Variants in PGGT1B observed in about 807,000 individuals in gnomAD.
The protein encoded by PGGT1B is geranylgeranyl transferase type-1 subunit beta.
A neutral mutation model predicts 46.1 loss-of-function variants in PGGT1B; 30 were observed. The observed-to-expected ratio is 0.65, with a 90% CI of 0.49 to 0.88. PGGT1B has a LOEUF of 0.88. Among genes scored for constraint, PGGT1B ranks in the 40% least tolerant of loss-of-function variants. The pLI is 0.00. For missense variants in PGGT1B, 376 were observed against 455.9 expected (o/e 0.82, Z 1.60); for synonymous variants, 170 against 160.0 (o/e 1.06, Z -0.47).
intron 3 of PGGT1B, among the ~76,000 whole-genome samples, chr5:115,241,119 T>C (rs984881937): frequency 6.6e-6 from 1 of 152,218 alleles, no homozygotes; most frequent in Non-Finnish European, 1.5e-5. Flanking sequence ...CTTTTATTCC[T>C]AAGAAATGTG....
chr5:115,237,843 A>C lies in PGGT1B; in HGVS notation c.479+15T>G. Reference sequence around the variant, plus strand: ...TTTGTTTATTACAAAAAAAGTAACAAAGAATCACTCATACCTCCCATCTTC... The same window carrying C: ...TTTGTTTATTACAAAAAAAGTAACACAGAATCACTCATACCTCCCATCTTC... On this transcript the variant is annotated intron_variant, in intron 4 of 8. Transcript: ENST00000419445. The C allele has an allele frequency of 6.3e-7, 1 of 1,596,530 alleles. No homozygotes were observed. The highest frequency in any genetic ancestry group is 8.5e-7 in the Non-Finnish European group (1 of 1,175,250).
chr5:115,254,681 G>C (rs1351648095), intron 1 of PGGT1B, among the ~76,000 whole-genome samples: 1 of 151,734 alleles, frequency 6.6e-6, no homozygotes, highest in Non-Finnish European at 1.5e-5. Flanking sequence ...ATAACAGGAG[G>C]AGATATCAGA....
chr5:115,235,917 G>T (rs1005504261), intron 5 of PGGT1B, among the ~76,000 whole-genome samples: 35 of 152,218 alleles, frequency 2.3e-4, no homozygotes, highest in African/African-American at 8.2e-4. Flanking sequence ...AACCTGGAAT[G>T]CAGAAGTTTT....
At chr5:115,251,524 T>C (rs190103317) in intron 2 of PGGT1B, among the ~76,000 whole-genome samples, 63 of 151,670 alleles carry the variant, frequency 4.2e-4, no homozygotes, top group Admixed American at 3.4e-3. Context: ...TCCTTAATAG[T>C]GGGGGGAAAT....
chr5:115,248,765 A>G (rs1747964333), intron 2 of PGGT1B, among the ~76,000 whole-genome samples: 1 of 152,182 alleles, frequency 6.6e-6, no homozygotes, highest in Admixed American at 6.5e-5. Context: ...ATCCGATTCT[A>G]TCTCTTATCA....
chr5:115,257,811 T>C (rs976211282), intron 1 of PGGT1B, among the ~76,000 whole-genome samples: 1 of 152,150 alleles, frequency 6.6e-6, no homozygotes, highest in Non-Finnish European at 1.5e-5. Context: ...TAAATAAGCA[T>C]CTACATTAAG....
At chr5:115,242,371 T>C (rs1757373957) in intron 2 of PGGT1B, among the ~76,000 whole-genome samples, 1 of 152,112 alleles carries the variant, frequency 6.6e-6, no homozygotes, top group South Asian at 2.1e-4. Context: ...AAAATAACAA[T>C]GCAGTATCAG....
chr5:115,223,861 A>C (rs1214288846), intron 6 of PGGT1B, among the ~76,000 whole-genome samples: 2 of 152,206 alleles, frequency 1.3e-5, no homozygotes, highest in African/African-American at 4.8e-5. Flanking sequence ...CTTGCAATTT[A>C]TTATGACTTC....
At position 115,208,981 on chromosome 5, in the gene PGGT1B, T is replaced by G. The variant is rs376646382; in HGVS notation, c.*3421A>C. Reference sequence around the variant, plus strand: ...TTTCTTATACTAACTTTGACTGGAGTTGGACTGTAATCCTGGCTCACTTAC... The same window carrying G: ...TTTCTTATACTAACTTTGACTGGAGGTGGACTGTAATCCTGGCTCACTTAC... On this transcript the variant is annotated 3_prime_UTR_variant, in exon 9 of 9. Coordinates refer to ENST00000419445, the MANE Select transcript of PGGT1B (RefSeq NM_005023.4). 2 of 151,984 alleles carry G rather than the reference T, an allele frequency of 1.3e-5. No individual in the cohort carries two copies. The highest frequency in any genetic ancestry group is 4.8e-5 in the African/African-American group (2 of 41,396). 9.4% of individuals were successfully genotyped at this position (151,984 alleles called of 1,614,324 possible). A position where few individuals can be genotyped will look rare whatever the true frequency, so the allele number is the denominator to read the frequency against.
At chr5:115,222,100 A>T in intron 6 of PGGT1B, 92 bp from the exon 7 acceptor site, 1 of 622,456 alleles carries the variant, frequency 1.6e-6, no homozygotes, top group Non-Finnish European at 2.6e-6. Context: ...TGGTTATATA[A>T]TTCTAGAAAA....
At chr5:115,222,155 C>T in intron 6 of PGGT1B, 147 bp from the exon 7 acceptor site, 1 of 472,646 alleles carries the variant, frequency 2.1e-6, no homozygotes. Context: ...TTTAAAATAA[C>T]CACTAAACAC....
intron 8 of PGGT1B, among the ~76,000 whole-genome samples, chr5:115,213,807 CA>C (rs1756321602): frequency 6.6e-6 from 1 of 152,026 alleles, no homozygotes; most frequent in South Asian, 2.1e-4. Flanking sequence ...CACATCTTAC[CA>C]CATCAAACTT....
At chr5:115,215,892 A>T (rs1215143913) in intron 8 of PGGT1B, among the ~76,000 whole-genome samples, 1 of 152,196 alleles carries the variant, frequency 6.6e-6, no homozygotes, top group African/African-American at 2.4e-5. Context: ...CAGTGTTTGA[A>T]ATTATTTCAA....
intron 6 of PGGT1B, among the ~76,000 whole-genome samples, chr5:115,227,170 C>G (rs935876639): frequency 2.0e-5 from 3 of 152,118 alleles, no homozygotes; most frequent in Non-Finnish European, 2.9e-5. Flanking sequence ...TGAGCAAGCA[C>G]AGGGTTTTAA....
chr5:115,254,785 T>C (rs1378701508), intron 1 of PGGT1B, among the ~76,000 whole-genome samples: 1 of 152,132 alleles, frequency 6.6e-6, no homozygotes, highest in African/African-American at 2.4e-5. Context: ...AAACATCCTA[T>C]TGAGAGACTA....
chr5:115,254,786 T>C (rs865963086), intron 1 of PGGT1B, among the ~76,000 whole-genome samples: 2 of 152,252 alleles, frequency 1.3e-5, no homozygotes, highest in Admixed American at 1.3e-4. Flanking sequence ...AACATCCTAT[T>C]GAGAGACTAT....
At chr5:115,254,563 C>A (rs1748234696) in intron 1 of PGGT1B, among the ~76,000 whole-genome samples, 1 of 150,684 alleles carries the variant, frequency 6.6e-6, no homozygotes, top group South Asian at 2.1e-4. Flanking sequence ...TCAATCTGTA[C>A]CAACTTTAGG....
intron 2 of PGGT1B, among the ~76,000 whole-genome samples, chr5:115,250,205 A>G (rs1295185640): frequency 6.6e-6 from 1 of 152,154 alleles, no homozygotes; most frequent in Non-Finnish European, 1.5e-5. Flanking sequence ...AATTCCCTAG[A>G]TTTTATGTGG....
chr5:115,238,484 C>G (rs890220143), intron 3 of PGGT1B, among the ~76,000 whole-genome samples: 11 of 150,998 alleles, frequency 7.3e-5, no homozygotes, highest in Admixed American at 6.6e-4. Flanking sequence ...ATTATTTAAA[C>G]CTCAAACTTA....
Sources: allele counts gnomAD v4.1 joint callset (sites outside exome capture counted in the v4.1 genomes callset), GRCh38; gene constraint gnomAD v4.1.1; transcripts MANE v1.5; gene names NCBI Gene and HGNC (gene_info 2026-07-23, HGNC 2026-07-21).